RAPGEF1: variants seen among roughly 807,000 people sequenced by gnomAD.
The protein encoded by RAPGEF1 is CRK SH3-binding GNRP.
In RAPGEF1, 33 loss-of-function variants were observed where a neutral mutation model predicts 143.3. The ratio of observed to expected loss-of-function variants is 0.23; its 90% CI spans 0.17 to 0.31. The LOEUF (loss-of-function observed/expected upper bound fraction) is 0.31. Among genes scored for constraint, RAPGEF1 ranks in the 10% least tolerant of loss-of-function variants. The pLI is 1.00. For missense variants in RAPGEF1, 1,199 were observed against 1,645.4 expected, an observed-to-expected ratio of 0.73 and a Z score of 4.69; for synonymous variants, 629 against 676.5, an observed-to-expected ratio of 0.93 and a Z score of 1.09.
chr9:131,699,266 T>C (rs1055606059), intron 1 of RAPGEF1, among the ~76,000 whole-genome samples: 4 of 144,600 alleles, frequency 2.8e-5, no homozygotes, highest in South Asian at 4.4e-4. Context: ...TTTTCTGAGG[T>C]GCAGTTTTGC....
At chr9:131,596,491 CCTT>C (rs1431857638) in intron 16 of RAPGEF1, 118 bp from the exon 17 acceptor site, 20 of 997,280 alleles carry the variant, frequency 2.0e-5, no homozygotes, top group African/African-American at 3.2e-5. Context: ...AGTCCCCTCT[CCTT>C]CTGTGCTCCT....
chr9:131,705,816 G>T (rs1047420893), intron 1 of RAPGEF1, among the ~76,000 whole-genome samples: 3 of 152,186 alleles, frequency 2.0e-5, no homozygotes, highest in African/African-American at 7.2e-5. Flanking sequence ...GCTCTGTAGG[G>T]TGACAGCAGG....
chr9:131,659,658 C>T (rs1248409257), intron 1 of RAPGEF1, among the ~76,000 whole-genome samples: 1 of 152,086 alleles, frequency 6.6e-6, no homozygotes, highest in East Asian at 1.9e-4. Flanking sequence ...AAATGTGACC[C>T]GTGTGTAAAG....
rs1164003440 is a variant in RAPGEF1 at position 131,621,031 on chromosome 9, A to C, written c.1905+765T>G. Reference sequence around the variant, plus strand: ...GAGCATGGCTGGACAAGAGGCTCAGATCTTCAAACCTGACTAGGGCCCTCC... The same window carrying C: ...GAGCATGGCTGGACAAGAGGCTCAGCTCTTCAAACCTGACTAGGGCCCTCC... On this transcript the variant is annotated intron_variant, in intron 11 of 26. Coordinates refer to ENST00000683357, the MANE Select transcript of RAPGEF1 (RefSeq NM_001377935.1). This position sits in a 1 kb window ranked among gnomAD's most constrained non-coding sequence, Gnocchi z 4.5. 6.6e-6 allele frequency among the ~76,000 whole-genome samples: 1 copy of C among 152,220 alleles called. No individual in the cohort carries two copies. Among genetic ancestry groups the C allele is most frequent in the Non-Finnish European group, 1.5e-5 (1 of 68,024 alleles).
intron 1 of RAPGEF1, among the ~76,000 whole-genome samples, chr9:131,696,920 T>C (rs1297622624): frequency 2.0e-5 from 3 of 152,264 alleles, no homozygotes; most frequent in Admixed American, 6.5e-5. Context: ...ATGCCAAGTA[T>C]TGTCAAGCAT....
At chr9:131,681,843 C>A (rs1371573329) in intron 1 of RAPGEF1, among the ~76,000 whole-genome samples, 2 of 152,150 alleles carry the variant, frequency 1.3e-5, no homozygotes, top group African/African-American at 4.8e-5. Flanking sequence ...GCTACAAAAA[C>A]AGGGATCCAA....
chr9:131,733,868 A>C (rs1278723134), intron 1 of RAPGEF1, among the ~76,000 whole-genome samples: 2 of 151,892 alleles, frequency 1.3e-5, no homozygotes, highest in African/African-American at 2.4e-5. Flanking sequence ...ATCTCTACAG[A>C]CCTCCTATAA....
At chr9:131,590,023 G>C (rs3818580) in intron 18 of RAPGEF1, 45 bp from the exon 19 acceptor site, 517,804 of 1,559,374 alleles carry the variant, frequency 0.33, 90,668 homozygotes, top group Non-Finnish European at 0.36. Flanking sequence ...GGCTGAGGGT[G>C]GTGGAGTGGA....
chr9:131,581,645 T>G (rs1951883934), intron 25 of RAPGEF1, among the ~76,000 whole-genome samples: 1 of 152,048 alleles, frequency 6.6e-6, no homozygotes, highest in Admixed American at 6.6e-5. Flanking sequence ...GAGATTGCAG[T>G]GAGCCAAGAT....
At chr9:131,729,261 T>C (rs1462797735) in intron 1 of RAPGEF1, among the ~76,000 whole-genome samples, 1 of 139,028 alleles carries the variant, frequency 7.2e-6, no homozygotes, top group East Asian at 2.2e-4. Flanking sequence ...TGACTGTCAG[T>C]TCCCCAAGGG....
intron 1 of RAPGEF1, chr9:131,737,516 C>A: frequency 6.2e-7 from 1 of 1,612,654 alleles, no homozygotes; most frequent in Non-Finnish European, 8.5e-7. Flanking sequence ...AACCCCCTAG[C>A]AGAAGGCGGT....
intron 1 of RAPGEF1, among the ~76,000 whole-genome samples, chr9:131,683,367 C>T (rs1833075866): frequency 6.6e-6 from 1 of 152,150 alleles, no homozygotes; most frequent in Non-Finnish European, 1.5e-5. Context: ...ATACTTCCTC[C>T]AACATTTTCC....
At chr9:131,720,314 C>T (rs1173778757) in intron 1 of RAPGEF1, among the ~76,000 whole-genome samples, 1 of 152,230 alleles carries the variant, frequency 6.6e-6, no homozygotes, top group African/African-American at 2.4e-5. Context: ...ACGTCATCAT[C>T]ATCATCATTA....
intron 1 of RAPGEF1, among the ~76,000 whole-genome samples, chr9:131,672,481 G>A (rs1343879393): frequency 1.3e-5 from 2 of 152,300 alleles, no homozygotes; most frequent in Admixed American, 6.5e-5. Context: ...ATGAACTGGG[G>A]TCTCTGGGGA....
In RAPGEF1 at chr9:131,687,333, A is replaced by G. The variant is rs535798688; in HGVS notation, c.62-36384T>C. 1.3e-3 allele frequency among the ~76,000 whole-genome samples: 192 copies of G among 152,080 alleles called. 2 individuals carry two copies. In the South Asian group the frequency reaches 0.02, roughly 16 times the overall value. On this transcript the variant is annotated intron_variant, in intron 1 of 26. Transcript: ENST00000683357. ...AGCCTCCCAAGTAGCTGGGACTACA[A>G]GCGTGCACCACCACCCCTGGATAAT...
Position 131,578,417 on chromosome 9 carries a change from A to G in RAPGEF1, c.*1080T>C, listed in dbSNP as rs1172529965. The G allele has an allele frequency of 6.6e-6, 1 of 152,204 alleles. No homozygotes were observed. Among genetic ancestry groups the G allele is most frequent in the Non-Finnish European group, 1.5e-5 (1 of 68,104 alleles). 9.4% of individuals were successfully genotyped at this position (152,204 alleles called of 1,614,324 possible). ...CTGCCTCCCTGCACCCTGAGGGACC[A>G]TTCGGGTGCCTCAGGGATGCCCTTC... On this transcript the variant is annotated 3_prime_UTR_variant, in exon 27 of 27. Coordinates refer to ENST00000683357, the MANE Select transcript of RAPGEF1 (RefSeq NM_001377935.1).
At chr9:131,689,067 A>G (rs1833585537) in intron 1 of RAPGEF1, among the ~76,000 whole-genome samples, 1 of 152,188 alleles carries the variant, frequency 6.6e-6, no homozygotes, top group Admixed American at 6.5e-5. Flanking sequence ...ATCTTTTTGG[A>G]AGGACAGATT....
intron 1 of RAPGEF1, chr9:131,737,343 G>A (rs1837484079): frequency 4.3e-6 from 7 of 1,612,152 alleles, no homozygotes; most frequent in African/African-American, 4.0e-5. Context: ...TCAGAGCCTA[G>A]CACAAACACT....
intron 20 of RAPGEF1, 29 bp from the exon 21 acceptor site, chr9:131,588,055 T>G (rs750449760): frequency 1.3e-6 from 2 of 1,589,386 alleles, no homozygotes; most frequent in South Asian, 2.2e-5. Flanking sequence ...AGAAGAGCCG[T>G]CAGGGGTGGG....
Sources: allele counts gnomAD v4.1 joint callset (sites outside exome capture counted in the v4.1 genomes callset), GRCh38; gene constraint gnomAD v4.1.1; non-coding constraint Gnocchi (gnomAD v3.1); transcripts MANE v1.5; gene names NCBI Gene and HGNC (gene_info 2026-07-23, HGNC 2026-07-21).